Variants in DPP6 observed in about 807,000 individuals in gnomAD.
DPP6 encodes A-type potassium channel modulatory protein DPP6.
A neutral mutation model predicts 122.6 loss-of-function variants in DPP6; 69 were observed. That is an observed-to-expected ratio of 0.56 (90% CI 0.46 to 0.69). The LOEUF is 0.69. Ranked by LOEUF, DPP6 falls within the 30% of genes least tolerant of loss-of-function variation. The pLI, the probability that DPP6 is intolerant of heterozygous loss-of-function variation, is 0.00. For missense variants in DPP6, 928 were observed against 1,116.9 expected (o/e 0.83, Z 2.41); for synonymous variants, 418 against 433.1 (o/e 0.97, Z 0.43).
intron 1 of DPP6, among the ~76,000 whole-genome samples, chr7:154,063,352 A>T (rs1462451596): frequency 8.7e-6 from 1 of 115,310 alleles, no homozygotes; most frequent in East Asian, 2.8e-4. Flanking sequence ...TAGGAACCCC[A>T]TTGCAGGAGG....
chr7:154,579,692 C>T (rs1444915890), intron 5 of DPP6, among the ~76,000 whole-genome samples: 1 of 152,152 alleles, frequency 6.6e-6, no homozygotes, highest in Non-Finnish European at 1.5e-5. Context: ...GCCCAAAGTG[C>T]AGGAGTGACA....
intron 1 of DPP6, among the ~76,000 whole-genome samples, chr7:154,306,071 T>G (rs569218277): frequency 6.6e-6 from 1 of 152,246 alleles, no homozygotes; most frequent in Non-Finnish European, 1.5e-5. Flanking sequence ...CGTGGCCCTT[T>G]CCTCCTGTTT....
intron 10 of DPP6, among the ~76,000 whole-genome samples, chr7:154,784,001 T>C (rs568556376): frequency 1.3e-5 from 2 of 152,236 alleles, no homozygotes; most frequent in East Asian, 1.9e-4. Context: ...TCATTTTCTA[T>C]AGGGGCAAAG....
chr7:153,925,102 GAGA>G (rs1421824127), intron 1 of DPP6, among the ~76,000 whole-genome samples: 1 of 152,146 alleles, frequency 6.6e-6, no homozygotes, highest in African/African-American at 2.4e-5. Flanking sequence ...AGGGTGAGGA[GAGA>G]AGGAGCCCAT....
At chr7:153,942,866 T>C (rs757523102) in intron 1 of DPP6, among the ~76,000 whole-genome samples, 2 of 152,180 alleles carry the variant, frequency 1.3e-5, no homozygotes, top group Non-Finnish European at 2.9e-5. Context: ...AAACACGTGG[T>C]CCAGCAATCA....
chr7:154,143,846 C>T (rs988967006), intron 1 of DPP6, among the ~76,000 whole-genome samples: 1 of 152,070 alleles, frequency 6.6e-6, no homozygotes, highest in Non-Finnish European at 1.5e-5. Context: ...TACGCAATAG[C>T]ACATATACCT....
intron 6 of DPP6, among the ~76,000 whole-genome samples, chr7:154,652,321 C>T (rs1187100786): frequency 6.6e-6 from 1 of 150,730 alleles, no homozygotes; most frequent in Non-Finnish European, 1.5e-5. Context: ...TACTTTTTTT[C>T]CCCTACCTGA....
At chr7:154,112,765 A>C (rs1415193907) in intron 1 of DPP6, among the ~76,000 whole-genome samples, 5 of 149,286 alleles carry the variant, frequency 3.3e-5, no homozygotes, top group Non-Finnish European at 5.9e-5. Context: ...AACACTTAAC[A>C]TGAGATCTAC....
intron 1 of DPP6, among the ~76,000 whole-genome samples, chr7:154,254,970 T>G (rs1452663079): frequency 6.6e-6 from 1 of 151,518 alleles, no homozygotes; most frequent in Non-Finnish European, 1.5e-5. Flanking sequence ...CAAAGGAAAA[T>G]TTGCAAATTT....
chr7:153,894,930 C>T (rs577061302), intron 1 of DPP6, among the ~76,000 whole-genome samples: 16 of 151,954 alleles, frequency 1.1e-4, no homozygotes, highest in East Asian at 3.9e-4. Context: ...TTGTGGAGGC[C>T]GCCAAATACA....
At chr7:154,455,967 A>G (rs918892792) in intron 2 of DPP6, among the ~76,000 whole-genome samples, 2 of 152,148 alleles carry the variant, frequency 1.3e-5, no homozygotes, top group African/African-American at 4.8e-5. Flanking sequence ...CTTAAGGACC[A>G]TATTTTTACA....
intron 1 of DPP6, among the ~76,000 whole-genome samples, chr7:154,422,506 C>A (rs1250203572): frequency 6.6e-6 from 1 of 152,018 alleles, no homozygotes; most frequent in African/African-American, 2.4e-5. Flanking sequence ...GCAATGATCA[C>A]CTTCAAAAAA....
chr7:154,460,724 ATAG>A (rs1434918059), intron 2 of DPP6, among the ~76,000 whole-genome samples: 1 of 152,228 alleles, frequency 6.6e-6, no homozygotes, highest in African/African-American at 2.4e-5. Flanking sequence ...CTGTGGGTAC[ATAG>A]TAGGTATGTA....
intron 1 of DPP6, among the ~76,000 whole-genome samples, chr7:154,005,940 G>A (rs1237464779): frequency 3.3e-5 from 5 of 152,150 alleles, no homozygotes; most frequent in Non-Finnish European, 4.4e-5. Flanking sequence ...ACTGAGCTCC[G>A]TGAGGGACTT....
chr7:154,430,123 A>G (rs1047519969), intron 1 of DPP6, among the ~76,000 whole-genome samples: 1 of 152,058 alleles, frequency 6.6e-6, no homozygotes, highest in Admixed American at 6.6e-5. Context: ...GCTCGCCTCC[A>G]TTCCCCAGGC....
At chr7:153,943,345 C>T (rs1326558613) in intron 1 of DPP6, among the ~76,000 whole-genome samples, 3 of 152,050 alleles carry the variant, frequency 2.0e-5, no homozygotes, top group South Asian at 2.1e-4. Context: ...ATTATATGTC[C>T]GAGAGAGTGA....
chr7:153,964,822 C>CTTTTCCTTTTCCT lies in DPP6; in HGVS notation c.51+77091_51+77092insTCCTTTTCCTTTT, dbSNP rs371512058. Among the ~76,000 whole-genome samples, 21 of 41,214 alleles carry CTTTTCCTTTTCCT rather than the reference C, an allele frequency of 5.1e-4. 1 individual carries two copies. The highest frequency in any genetic ancestry group is 1.7e-3 in the African/African-American group (18 of 10,660). 27.0% of individuals were successfully genotyped at this position (41,214 alleles called of 152,430 possible). ...CTTTCCTTTCCTTTCCTTTCCTTTC[C>CTTTTCCTTTTCCT]TTTCCTTTTCCTTTTCCTTTTCCTT... is the stretch of plus-strand genomic sequence containing the variant. On this transcript the variant is annotated intron_variant, in intron 1 of 25. Coordinates refer to the DPP6 transcript ENST00000404039.
chr7:153,780,536 G>A, the DPP6 span, among the ~76,000 whole-genome samples: 1 of 152,078 alleles, frequency 6.6e-6, no homozygotes, highest in Admixed American at 6.6e-5. Flanking sequence ...AGTATTTATT[G>A]TACACCTATT....
intron 1 of DPP6, among the ~76,000 whole-genome samples, chr7:153,904,807 T>C (rs999302140): frequency 6.6e-6 from 1 of 152,256 alleles, no homozygotes; most frequent in Non-Finnish European, 1.5e-5. Flanking sequence ...GGAAAGCTTC[T>C]CCTTTGCCTT....
Sources: allele counts gnomAD v4.1 joint callset (sites outside exome capture counted in the v4.1 genomes callset), GRCh38; gene constraint gnomAD v4.1.1; transcripts MANE v1.5; gene names NCBI Gene and HGNC (gene_info 2026-07-23, HGNC 2026-07-21).